Variants in ACACB observed in about 807,000 individuals in gnomAD.
ACACB encodes acetyl-CoA carboxylase 2.
A neutral mutation model predicts 278.8 loss-of-function variants in ACACB; 209 were observed. The ratio of observed to expected loss-of-function variants is 0.75; its 90% CI spans 0.67 to 0.84. ACACB has a LOEUF of 0.84. Ranked by LOEUF, ACACB falls within the 40% of genes least tolerant of loss-of-function variation. The pLI, the probability that ACACB is intolerant of heterozygous loss-of-function variation, is 0.00. For missense variants in ACACB, 2,850 were observed against 3,269.0 expected, an observed-to-expected ratio of 0.87 and a Z score of 3.13; for synonymous variants, 1,174 against 1,285.6, an observed-to-expected ratio of 0.91 and a Z score of 1.86.
Position 109,139,567 on chromosome 12 carries a change from A to G in ACACB, c.162A>G (p.Ser54=). The change falls in exon 2 of 53, where the codon TCA becomes TCG. Residue 54 remains serine (S), a synonymous_variant. Coordinates refer to ENST00000338432, the MANE Select transcript of ACACB (RefSeq NM_001093.4). The part of the protein sequence containing the change: ...SQEPFPASDN[S]GETPQRNGEG... ...AGCCCTTTCCAGCCTCTGATAACTC[A>G]GGGGAGACACCGCAGAGAAATGGGG... 6.2e-7 allele frequency: 1 copy of G among 1,614,034 alleles called. No individual in the cohort carries two copies. The highest frequency in any genetic ancestry group is 8.5e-7 in the Non-Finnish European group (1 of 1,180,004).
At chr12:109,143,707 A>T (rs1390878774) in intron 2 of ACACB, among the ~76,000 whole-genome samples, 1 of 152,170 alleles carries the variant, frequency 6.6e-6, no homozygotes, top group East Asian at 1.9e-4. Context: ...CTTCTGACAG[A>T]GAAGACTCAT....
chr12:109,236,624 A>G (rs533797756), intron 33 of ACACB, among the ~76,000 whole-genome samples: 2 of 152,344 alleles, frequency 1.3e-5, no homozygotes, highest in East Asian at 3.9e-4. Flanking sequence ...TCCCTGTTGT[A>G]GAACAGGTAG....
rs544049442 is a variant in ACACB at position 109,206,267 on chromosome 12, A to C, written c.2914-443A>C. ...TGGCCAACATGGTGAAAACCTGTCTATACTAAAAATACAAAAATTAGCTGG... is the reference window on the plus strand; with the variant it reads ...TGGCCAACATGGTGAAAACCTGTCTCTACTAAAAATACAAAAATTAGCTGG... On this transcript the variant is annotated intron_variant, in intron 19 of 52. Coordinates refer to ENST00000338432, the MANE Select transcript of ACACB (RefSeq NM_001093.4). 9.2e-5 allele frequency among the ~76,000 whole-genome samples: 14 copies of C among 151,986 alleles called. No homozygotes were observed. In the South Asian group the frequency reaches 1.2e-3, roughly 14 times the overall value.
chr12:109,129,143 A>G (rs1376351493), intron 1 of ACACB, among the ~76,000 whole-genome samples: 1 of 152,170 alleles, frequency 6.6e-6, no homozygotes, highest in East Asian at 1.9e-4. Flanking sequence ...ATACAGATTT[A>G]AAAACAAGCC....
chr12:109,179,408 A>G (rs748022089), intron 10 of ACACB, 111 bp downstream of exon 10: 239 of 1,148,104 alleles, frequency 2.1e-4, no homozygotes, highest in Non-Finnish European at 2.8e-4. Context: ...GTGCCTAACA[A>G]GAGGGATGAG....
In ACACB at chr12:109,265,382, TCC is replaced by T; in HGVS notation, c.7114-4_7114-3del. On this transcript the variant is annotated splice_polypyrimidine_tract_variant and splice_region_variant and intron_variant, in intron 51 of 52. Coordinates refer to ENST00000338432, the MANE Select transcript of ACACB (RefSeq NM_001093.4). Reference sequence around the variant, plus strand: ...CCTCTCTGAGGCATCCTCTGCCCCCTCCCCAGGCCTACTTGTGGGACAACAAC... The same window carrying T: ...CCTCTCTGAGGCATCCTCTGCCCCCTCCAGGCCTACTTGTGGGACAACAAC... 6.2e-7 allele frequency: 1 copy of T among 1,613,512 alleles called. No homozygotes were observed.
chr12:109,196,748 C>T (rs1565910396), intron 16 of ACACB, among the ~76,000 whole-genome samples: 1 of 152,158 alleles, frequency 6.6e-6, no homozygotes, highest in Admixed American at 6.5e-5. Flanking sequence ...ATGCAGTTGC[C>T]AACACGGCTT....
chr12:109,227,602 A>G (rs2046350291), intron 28 of ACACB, 113 bp downstream of exon 28: 2 of 966,664 alleles, frequency 2.1e-6, no homozygotes, highest in Admixed American at 2.1e-5. Context: ...CTGGGGAGAC[A>G]TCAGCGATAA....
chr12:109,228,274 T>A (rs1404159631), intron 28 of ACACB, among the ~76,000 whole-genome samples: 1 of 148,332 alleles, frequency 6.7e-6, no homozygotes, highest in African/African-American at 2.5e-5. Context: ...AGGCAGAGGT[T>A]GCAGTGAGCT....
intron 24 of ACACB, among the ~76,000 whole-genome samples, chr12:109,218,902 G>A (rs2046084386): frequency 1.3e-5 from 2 of 152,050 alleles, no homozygotes; most frequent in South Asian, 4.1e-4. Context: ...GTTTAGCTGG[G>A]ATTACAGGCA....
rs932552749 is a variant in ACACB, at chr12:109,222,899, C to T, written c.3779C>T (p.Pro1260Leu). 6.2e-7 allele frequency: 1 copy of T among 1,609,844 alleles called. No homozygotes were observed. Among genetic ancestry groups the T allele is most frequent in the African/African-American group, 1.3e-5 (1 of 74,794 alleles). The change falls in exon 26 of 53, where the codon CCC (proline) becomes CTC (leucine). Residue 1260 changes from proline to leucine, a missense_variant. Physicochemically the swap from Pro to Leu is moderately conservative, Grantham distance 98. Coordinates refer to ENST00000338432, the MANE Select transcript of ACACB (RefSeq NM_001093.4). ...GACATGTACGGCCACCAGTTCTGCC[C>T]CGAGAACCTCAAGGTGAGCCCGTCT... ...AIDMYGHQFCPENLKKLILSE... is the reference protein window; with the variant it reads ...AIDMYGHQFCLENLKKLILSE...
intron 22 of ACACB, 97 bp from the exon 23 acceptor site, chr12:109,216,521 A>C: frequency 7.7e-7 from 1 of 1,298,458 alleles, no homozygotes; most frequent in Non-Finnish European, 1.1e-6. Flanking sequence ...TGCCCAGCCA[A>C]TCCTTTCTCT....
intron 2 of ACACB, among the ~76,000 whole-genome samples, chr12:109,159,127 G>T (rs528476757): frequency 6.6e-6 from 1 of 152,204 alleles, no homozygotes; most frequent in Non-Finnish European, 1.5e-5. Context: ...ATCCCAGGGG[G>T]TACTGATGGG....
chr12:109,201,700 C>T lies in ACACB; in HGVS notation c.2912C>T (p.Pro971Leu), dbSNP rs759824633. ...LELDDPSKVHPAEPFTGELPA... is the reference protein window; with the variant it reads ...LELDDPSKVHLAEPFTGELPA... ...CTCGATGACCCTTCTAAAGTCCACC[C>T]GGTATGTGGCTCCACGGCCCAAGTG... The change falls in exon 19 of 53, where the codon CCG becomes CTG. Residue 971 changes from proline (P) to leucine (L), a missense_variant and splice_region_variant. Coordinates refer to ENST00000338432, the MANE Select transcript of ACACB (RefSeq NM_001093.4). The T allele has an allele frequency of 3.6e-5, 58 of 1,613,540 alleles. No individual in the cohort carries two copies. Among genetic ancestry groups the T allele is most frequent in the South Asian group, 1.3e-4 (12 of 91,000 alleles).
At chr12:109,150,982 CT>C (rs201382181) in intron 2 of ACACB, among the ~76,000 whole-genome samples, 62 of 137,320 alleles carry the variant, frequency 4.5e-4, no homozygotes, top group East Asian at 8.4e-4. Flanking sequence ...TTTTTTCTTT[CT>C]TTTTTTTTTT....
At chr12:109,179,817 G>T in intron 10 of ACACB, 100 bp from the exon 11 acceptor site, 1 of 1,359,842 alleles carries the variant, frequency 7.4e-7, no homozygotes. Context: ...ACATGTAGCA[G>T]GTGCTCAGTC....
intron 1 of ACACB, among the ~76,000 whole-genome samples, chr12:109,118,910 G>A (rs755442374): frequency 2.0e-5 from 3 of 152,136 alleles, no homozygotes; most frequent in Non-Finnish European, 2.9e-5. Flanking sequence ...ATTTATGACC[G>A]TAGAGTAAGG....
intron 12 of ACACB, among the ~76,000 whole-genome samples, chr12:109,186,525 C>T (rs1266565181): frequency 6.6e-6 from 1 of 152,128 alleles, no homozygotes; most frequent in Non-Finnish European, 1.5e-5. Flanking sequence ...TAGAGAGTCC[C>T]TTTGTGACTT....
At chr12:109,198,057 C>G (rs960940126) in intron 17 of ACACB, among the ~76,000 whole-genome samples, 1 of 151,998 alleles carries the variant, frequency 6.6e-6, no homozygotes, top group African/African-American at 2.4e-5. Flanking sequence ...GCCACCACGC[C>G]TGGCTAATTT....
Sources: allele counts gnomAD v4.1 joint callset (sites outside exome capture counted in the v4.1 genomes callset), GRCh38; gene constraint gnomAD v4.1.1; transcripts MANE v1.5; gene names NCBI Gene and HGNC (gene_info 2026-07-23, HGNC 2026-07-21).